NCKAP5: variants seen among roughly 807,000 people sequenced by gnomAD.
The protein encoded by NCKAP5 is NCK associated protein 5.
NCKAP5 carries 92 observed loss-of-function variants against 167.0 expected under a neutral mutation model. The ratio of observed to expected loss-of-function variants is 0.55; its 90% CI spans 0.47 to 0.66. The LOEUF (loss-of-function observed/expected upper bound fraction) is 0.66, where lower values mean the gene tolerates loss of function less well. Ranked by LOEUF, NCKAP5 falls within the 30% of genes least tolerant of loss-of-function variation. The pLI is 0.00. For missense variants in NCKAP5, 2,378 were observed against 2,315.0 expected (o/e 1.03, Z -0.56); for synonymous variants, 891 against 877.4 (o/e 1.02, Z -0.27).
At chr2:132,971,741 A>G (rs1287858300) in intron 7 of NCKAP5, among the ~76,000 whole-genome samples, 1 of 152,168 alleles carries the variant, frequency 6.6e-6, no homozygotes, top group Non-Finnish European at 1.5e-5. Flanking sequence ...ACATTTCCTT[A>G]TTTCAATGTT....
intron 11 of NCKAP5, among the ~76,000 whole-genome samples, chr2:132,858,292 A>T (rs1689625281): frequency 6.6e-6 from 1 of 152,058 alleles, no homozygotes; most frequent in African/African-American, 2.4e-5. Context: ...GTAGTGCCTC[A>T]ACATTCATGT....
chr2:133,253,652 C>T (rs2088467920), intron 4 of NCKAP5, among the ~76,000 whole-genome samples: 1 of 152,120 alleles, frequency 6.6e-6, no homozygotes, highest in Non-Finnish European at 1.5e-5. Flanking sequence ...CTGCCTTTTT[C>T]AAGCTAGGTG....
chr2:133,597,523 G>A, the NCKAP5 span, among the ~76,000 whole-genome samples: 2 of 151,888 alleles, frequency 1.3e-5, no homozygotes, highest in Non-Finnish European at 2.9e-5. Flanking sequence ...CAAAAAATTA[G>A]CTGGGTGTGG....
At chr2:133,246,873 G>T (rs11889163) in intron 4 of NCKAP5, among the ~76,000 whole-genome samples, 11,649 of 152,120 alleles carry the variant, frequency 0.077, 1,402 homozygotes, top group African/African-American at 0.26. Context: ...ATTAAGACAT[G>T]TAGACCCTCC....
intron 7 of NCKAP5, among the ~76,000 whole-genome samples, chr2:132,985,447 A>G (rs1355133981): frequency 2.0e-5 from 3 of 152,200 alleles, no homozygotes; most frequent in Non-Finnish European, 2.9e-5. Context: ...GTGCTCTCAA[A>G]TGAAACTGTT....
chr2:133,582,721 A>G, the NCKAP5 span, among the ~76,000 whole-genome samples: 1 of 152,236 alleles, frequency 6.6e-6, no homozygotes, highest in Non-Finnish European at 1.5e-5. Flanking sequence ...TTAAGACAAC[A>G]TAAAGATAGT....
chr2:132,872,454 C>G (rs1272620539), intron 9 of NCKAP5, among the ~76,000 whole-genome samples: 1 of 152,176 alleles, frequency 6.6e-6, no homozygotes. Flanking sequence ...GGAGGAAAAG[C>G]TGGGGCTATG....
intron 3 of NCKAP5, among the ~76,000 whole-genome samples, chr2:133,516,795 T>G (rs945577351): frequency 1.2e-4 from 19 of 152,250 alleles, no homozygotes. Context: ...CTTGATTTGA[T>G]TCCTTGCTCT....
intron 16 of NCKAP5, among the ~76,000 whole-genome samples, chr2:132,740,893 C>A (rs551565032): frequency 1.3e-5 from 2 of 151,864 alleles, no homozygotes; most frequent in African/African-American, 4.8e-5. Context: ...TTCCTTAGTA[C>A]AAATGAAGAA....
Position 133,257,490 on chromosome 2 carries a change from C to T in NCKAP5, c.144-43711G>A, listed in dbSNP as rs181295251. Among the ~76,000 whole-genome samples the T allele has an allele frequency of 2.5e-3, 384 of 152,062 alleles. 2 individuals are homozygous for T. Among genetic ancestry groups the T allele is most frequent in the Middle Eastern group, 0.01 (3 of 294 alleles). On this transcript the variant is annotated intron_variant, in intron 4 of 19. Coordinates refer to ENST00000409261, the MANE Select transcript of NCKAP5 (RefSeq NM_207363.3). Reference sequence around the variant, plus strand: ...ATATATAAGAAAACTAAGACACTTACGATAACTACTCTGATAAACAATTCT... The same window carrying T: ...ATATATAAGAAAACTAAGACACTTATGATAACTACTCTGATAAACAATTCT...
At chr2:133,157,988 G>C (rs2083638159) in intron 5 of NCKAP5, among the ~76,000 whole-genome samples, 1 of 152,146 alleles carries the variant, frequency 6.6e-6, no homozygotes, top group African/African-American at 2.4e-5. Flanking sequence ...TAATATGGTT[G>C]CCACATGATA....
At chr2:133,132,943 T>C (rs1357754507) in intron 5 of NCKAP5, among the ~76,000 whole-genome samples, 1 of 152,182 alleles carries the variant, frequency 6.6e-6, no homozygotes, top group Non-Finnish European at 1.5e-5. Flanking sequence ...CCCAAAGTGC[T>C]GGGATTATAG....
At chr2:133,317,167 C>A (rs1681668085) in intron 3 of NCKAP5, among the ~76,000 whole-genome samples, 1 of 151,840 alleles carries the variant, frequency 6.6e-6, no homozygotes, top group South Asian at 2.1e-4. Flanking sequence ...GAAAGCAAAC[C>A]AAAAGTCATA....
intron 6 of NCKAP5, among the ~76,000 whole-genome samples, chr2:133,041,242 G>A (rs1385520921): frequency 6.6e-6 from 1 of 152,072 alleles, no homozygotes; most frequent in Non-Finnish European, 1.5e-5. Context: ...TAAAGTATAA[G>A]GAGTGCTGAG....
intron 5 of NCKAP5, among the ~76,000 whole-genome samples, chr2:133,182,257 C>T (rs937615321): frequency 6.6e-6 from 1 of 152,092 alleles, no homozygotes; most frequent in African/African-American, 2.4e-5. Flanking sequence ...AGGATCTATT[C>T]AACATTTATG....
intron 8 of NCKAP5, among the ~76,000 whole-genome samples, chr2:132,945,263 G>A (rs919520104): frequency 9.4e-5 from 14 of 148,172 alleles, no homozygotes; most frequent in Non-Finnish European, 1.2e-4. Flanking sequence ...AATACTGGGG[G>A]ATCCCACCTG....
intron 8 of NCKAP5, among the ~76,000 whole-genome samples, chr2:132,914,272 A>G (rs1694687887): frequency 1.3e-5 from 2 of 152,230 alleles, no homozygotes; most frequent in Admixed American, 1.3e-4. Flanking sequence ...CAAAGAAAAA[A>G]GGCATAGAAA....
intron 8 of NCKAP5, among the ~76,000 whole-genome samples, chr2:132,934,313 C>T (rs1440622311): frequency 6.6e-6 from 1 of 152,168 alleles, no homozygotes; most frequent in Non-Finnish European, 1.5e-5. Flanking sequence ...TGGCTCATGC[C>T]TGTAATCCCA....
intron 8 of NCKAP5, among the ~76,000 whole-genome samples, chr2:132,916,272 A>G (rs764433387): frequency 2.5e-4 from 38 of 152,070 alleles, no homozygotes; most frequent in Non-Finnish European, 8.8e-5. Flanking sequence ...GACTGACCAC[A>G]GAATTTATGA....
Sources: gnomAD v4.1 joint callset for allele counts (sites outside exome capture counted in the v4.1 genomes callset) on GRCh38, gnomAD v4.1.1 for gene constraint, MANE v1.5 for transcripts, NCBI Gene and HGNC (gene_info 2026-07-23, HGNC 2026-07-21) for gene names.